Variants in SUCO observed in about 807,000 individuals in gnomAD.
The protein encoded by SUCO is SUN domain-containing ossification factor.
A neutral mutation model predicts 148.1 loss-of-function variants in SUCO; 57 were observed. The observed-to-expected ratio is 0.38, with a 90% CI of 0.31 to 0.48. The LOEUF (loss-of-function observed/expected upper bound fraction) is 0.48, where lower values mean the gene tolerates loss of function less well. SUCO is among the 20% of genes least tolerant of loss of function. The pLI is 0.96. For missense variants in SUCO, 1,331 were observed against 1,468.2 expected, an observed-to-expected ratio of 0.91 and a Z score of 1.53; for synonymous variants, 470 against 502.7, an observed-to-expected ratio of 0.93 and a Z score of 0.87.
At chr1:172,590,580 A>G (rs1286807976) in intron 18 of SUCO, among the ~76,000 whole-genome samples, 13 of 152,118 alleles carry the variant, frequency 8.5e-5, no homozygotes, top group Middle Eastern at 3.2e-3. Flanking sequence ...ACAAGTGTCC[A>G]GAGTTCCTGA....
At chr1:172,593,588 C>T (rs1413214701) in intron 19 of SUCO, among the ~76,000 whole-genome samples, 2 of 152,018 alleles carry the variant, frequency 1.3e-5, no homozygotes, top group Non-Finnish European at 2.9e-5. Context: ...TATTGATTTC[C>T]ATGTGTTGAA....
chr1:172,580,236 G>A (rs953311628), intron 15 of SUCO, among the ~76,000 whole-genome samples: 1 of 151,914 alleles, frequency 6.6e-6, no homozygotes, highest in Non-Finnish European at 1.5e-5. Flanking sequence ...CCATAGAAGA[G>A]TATAGACCTC....
intron 6 of SUCO, among the ~76,000 whole-genome samples, chr1:172,558,966 A>G (rs1653942729): frequency 6.6e-6 from 1 of 152,214 alleles, no homozygotes; most frequent in Non-Finnish European, 1.5e-5. Context: ...AATTAACTGT[A>G]TTAATTACTT....
At chr1:172,574,100 A>AT in intron 10 of SUCO, 102 bp downstream of exon 10, 1 of 674,238 alleles carries the variant, frequency 1.5e-6, no homozygotes, top group Admixed American at 3.0e-5. Context: ...CAGTCCATTT[A>AT]TTTTTTAAAG....
In SUCO at chr1:172,533,466, G is replaced by T. The variant is rs944065510; in HGVS notation, c.31G>T (p.Val11Phe). MKKHRRALAL[V>F]SCLFLCSLVW... ...GAAGCACCGGCGGGCCTTGGCCCTGGTCTCCTGCCTCTTTCTGTGCTCTCT... is the reference window on the plus strand; with the variant it reads ...GAAGCACCGGCGGGCCTTGGCCCTGTTCTCCTGCCTCTTTCTGTGCTCTCT... The change falls in exon 1 of 24, where the codon GTC becomes TTC. Residue 11 changes from valine (V) to phenylalanine (F), a missense_variant. Val to Phe is a conservative substitution (Grantham distance 50). This residue lies in a region of SUCO where 992 missense variants were observed against 1,093.5 expected (regional missense o/e 0.91). Transcript: ENST00000263688. The T allele has an allele frequency of 7.7e-6, 12 of 1,565,704 alleles. No homozygotes were observed. The highest frequency in any genetic ancestry group is 1.0e-5 in the Non-Finnish European group (12 of 1,154,856).
At chr1:172,573,534 A>G (rs1468708094) in intron 9 of SUCO, among the ~76,000 whole-genome samples, 4 of 152,178 alleles carry the variant, frequency 2.6e-5, no homozygotes, top group African/African-American at 9.6e-5. Context: ...ACTTTTTAAG[A>G]CAATGTATAT....
chr1:172,557,498 T>C, intron 5 of SUCO, 81 bp downstream of exon 5: 1 of 1,557,306 alleles, frequency 6.4e-7, no homozygotes, highest in Non-Finnish European at 8.7e-7. Context: ...TGGTGTATGT[T>C]AAATTCCACT....
intron 1 of SUCO, among the ~76,000 whole-genome samples, chr1:172,537,668 AT>A (rs1652125378): frequency 6.6e-6 from 1 of 152,170 alleles, no homozygotes; most frequent in South Asian, 2.1e-4. Context: ...AGTAAAACTT[AT>A]TTTTTAAAAC....
intron 15 of SUCO, 86 bp downstream of exon 15, chr1:172,579,353 A>G: frequency 1.3e-6 from 1 of 798,176 alleles, no homozygotes; most frequent in East Asian, 2.6e-5. Context: ...GGTTGAGGAG[A>G]ATTCTCCCAG....
chr1:172,538,745 G>GA (rs1170950566), intron 1 of SUCO, among the ~76,000 whole-genome samples: 1 of 151,928 alleles, frequency 6.6e-6, no homozygotes, highest in Non-Finnish European at 1.5e-5. Flanking sequence ...AAAGACTGAG[G>GA]AAAAAAAGTT....
At chr1:172,532,588 A>C (rs748341909), upstream of SUCO, 34 of 1,613,880 alleles carry the variant, frequency 2.1e-5, no homozygotes, top group Non-Finnish European at 2.8e-5. Context: ...CACACACGTC[A>C]TTCTAGGCCA....
chr1:172,569,165 T>C, intron 7 of SUCO, 23 bp downstream of exon 7: 1 of 1,504,894 alleles, frequency 6.6e-7, no homozygotes, highest in Non-Finnish European at 8.9e-7. Flanking sequence ...TTGAGTTCTT[T>C]AAATTTTTTT....
rs138656464 is a variant in SUCO, at chr1:172,537,568, G to T, written c.62+4071G>T. ...CCTAACTGGGGAAACATAAACCACA[G>T]TGAATCATGGTGTGCTGTAAGTAAA... On this transcript the variant is annotated intron_variant, in intron 1 of 23. Transcript: ENST00000263688. Among the ~76,000 whole-genome samples the T allele has an allele frequency of 1.1e-3, 160 of 152,284 alleles. 1 individual carries two copies. Among genetic ancestry groups the T allele is most frequent in the African/African-American group, 3.4e-3 (143 of 41,556 alleles).
At chr1:172,545,761 C>T (rs1652803249) in intron 1 of SUCO, among the ~76,000 whole-genome samples, 1 of 152,154 alleles carries the variant, frequency 6.6e-6, no homozygotes, top group Non-Finnish European at 1.5e-5. Flanking sequence ...TAATAACTGA[C>T]ATTTCAGCAC....
intron 4 of SUCO, 66 bp from the exon 5 acceptor site, chr1:172,557,214 G>A (rs1653814979): frequency 6.5e-7 from 1 of 1,543,270 alleles, no homozygotes. Flanking sequence ...CACTAATAGT[G>A]TTTTTAATGT....
rs991179366 is a variant in SUCO, at chr1:172,609,185, C to T, written c.3321+383C>T. 44 of 898,974 alleles carry T rather than the reference C, an allele frequency of 4.9e-5. No homozygotes were observed. In the African/African-American group the frequency reaches 7.2e-4, roughly 15 times the overall value. 55.7% of individuals were successfully genotyped at this position (898,974 alleles called of 1,614,324 possible). On this transcript the variant is annotated intron_variant, in intron 23 of 23. Transcript: ENST00000263688. ...ACAGAGCATGCACCGTTCCTCTAATCCTCACCACAACCTGAAGATGATGTT... is the reference window on the plus strand; with the variant it reads ...ACAGAGCATGCACCGTTCCTCTAATTCTCACCACAACCTGAAGATGATGTT...
chr1:172,542,741 G>A, intron 1 of SUCO: 1 of 985,358 alleles, frequency 1.0e-6, no homozygotes, highest in South Asian at 4.7e-5. Context: ...AATCATTTTT[G>A]AAAGAGAACA....
chr1:172,540,068 A>T (rs954072545), intron 1 of SUCO, among the ~76,000 whole-genome samples: 1 of 152,202 alleles, frequency 6.6e-6, no homozygotes, highest in Non-Finnish European at 1.5e-5. Flanking sequence ...AAATTATTTT[A>T]TTCTCTGTAT....
chr1:172,551,812 C>T, intron 2 of SUCO, 186 bp downstream of exon 2: 2 of 512,012 alleles, frequency 3.9e-6, no homozygotes, highest in Admixed American at 3.6e-5. Context: ...TATGTTTATT[C>T]TTGTTGCTTG....
Sources: gnomAD v4.1 joint callset for allele counts (sites outside exome capture counted in the v4.1 genomes callset) on GRCh38, gnomAD v4.1.1 for gene constraint, gnomAD v4.1.1 regional missense constraint, MANE v1.5 for transcripts, NCBI Gene and HGNC (gene_info 2026-07-23, HGNC 2026-07-21) for gene names.